The following NUP188 variants were observed in gnomAD, a reference collection of about 807,000 sequenced individuals.
The protein encoded by NUP188 is nucleoporin 188, also known as nucleoporin NUP188.
Under a neutral mutation model 223.0 loss-of-function variants are expected in NUP188, and 97 were observed. The observed-to-expected ratio is 0.43, with a 90% CI of 0.37 to 0.51. The LOEUF (loss-of-function observed/expected upper bound fraction) is 0.51. Among genes scored for constraint, NUP188 ranks in the 20% least tolerant of loss-of-function variants. NUP188 has a pLI of 0.00. For missense variants in NUP188, 1,947 were observed against 2,175.6 expected, an observed-to-expected ratio of 0.89 and a Z score of 2.09; for synonymous variants, 869 against 828.0, an observed-to-expected ratio of 1.05 and a Z score of -0.85.
rs1842822208 is a variant in NUP188, at chr9:129,006,857, G to A, written c.*179G>A. On this transcript the variant is annotated 3_prime_UTR_variant, in exon 44 of 44. Transcript: ENST00000372577. ...CGTTATTTTTATACTAGATGAAGAGGTCAACAGCAGGCATGGGGAGCCGAG... is the reference window on the plus strand; with the variant it reads ...CGTTATTTTTATACTAGATGAAGAGATCAACAGCAGGCATGGGGAGCCGAG... 2.1e-5 allele frequency: 12 copies of A among 573,832 alleles called. No individual in the cohort carries two copies. Among genetic ancestry groups the A allele is most frequent in the Middle Eastern group, 4.7e-4 (1 of 2,124 alleles). 35.5% of individuals were successfully genotyped at this position (573,832 alleles called of 1,614,324 possible).
chr9:128,949,177 C>G lies in NUP188; in HGVS notation c.33-12C>G, dbSNP rs368690694. On this transcript the variant is annotated splice_polypyrimidine_tract_variant and intron_variant, in intron 1 of 43. Coordinates refer to ENST00000372577, the MANE Select transcript of NUP188 (RefSeq NM_015354.3). Reference sequence around the variant, plus strand: ...GAAAGAGCAAAATTACCTCTGTTCTCTCATTTTGCAGGAGCAGTAGAGAAC... The same window carrying G: ...GAAAGAGCAAAATTACCTCTGTTCTGTCATTTTGCAGGAGCAGTAGAGAAC... The G allele has an allele frequency of 5.6e-6, 9 of 1,607,386 alleles. No homozygotes were observed. The highest frequency in any genetic ancestry group is 1.7e-5 in the Admixed American group (1 of 59,756).
At chr9:128,987,558 C>T (rs1259556836) in intron 22 of NUP188, 31 bp from the exon 23 acceptor site, 8 of 1,597,320 alleles carry the variant, frequency 5.0e-6, no homozygotes, top group Non-Finnish European at 6.0e-6. Context: ...TGAGTGGCTC[C>T]CTGGTAACTC....
At chr9:128,952,398 CAAAA>C (rs939252129) in intron 2 of NUP188, among the ~76,000 whole-genome samples, 4 of 60,672 alleles carry the variant, frequency 6.6e-5, no homozygotes, top group Non-Finnish European at 1.1e-4. Flanking sequence ...GACTCCGTCT[CAAAA>C]AAAAAAAAAA....
In NUP188 at chr9:128,994,397, C is replaced by G; in HGVS notation, c.3042C>G (p.Thr1014=). Residue 1014 remains threonine, a synonymous_variant, in exon 28 of 44, where the codon ACC becomes ACG. Transcript: ENST00000372577. ...GACCCAAGTTTTGGGAAAATTTAAC[C>G]AGTCCGCTGTTTGGAACCCTTTCTC... ...RTKPKFWENL[T]SPLFGTLSPP... 6.2e-7 allele frequency: 1 copy of G among 1,613,472 alleles called. No homozygotes were observed. Among genetic ancestry groups the G allele is most frequent in the Non-Finnish European group, 8.5e-7 (1 of 1,179,460 alleles).
At chr9:128,995,627 AGAGC>A in intron 30 of NUP188, 113 bp downstream of exon 30, 1 of 926,578 alleles carries the variant, frequency 1.1e-6, no homozygotes, top group African/African-American at 1.7e-5. Flanking sequence ...TTTATCCCTG[AGAGC>A]TAAACTGTAA....
At chr9:129,001,483 C>G (rs1205016236) in intron 34 of NUP188, 46 bp from the exon 35 acceptor site, 2 of 1,584,726 alleles carry the variant, frequency 1.3e-6, no homozygotes, top group Non-Finnish European at 1.7e-6. Context: ...TCCTCTTCCT[C>G]CTCCTCTTCT....
At chr9:128,995,641 A>G in intron 30 of NUP188, 127 bp downstream of exon 30, 1 of 798,052 alleles carries the variant, frequency 1.3e-6, no homozygotes, top group South Asian at 1.8e-5. Context: ...CTAAACTGTA[A>G]TAGGTTCTAT....
intron 8 of NUP188, among the ~76,000 whole-genome samples, chr9:128,960,776 CCT>C (rs1425077831): frequency 6.6e-6 from 1 of 151,922 alleles, no homozygotes; most frequent in African/African-American, 2.4e-5. Context: ...ATGGTAAAAC[CCT>C]GTTTCTACTA....
At chr9:128,947,778 G>A (rs779466540) in intron 1 of NUP188, 27 bp downstream of exon 1, 14 of 1,402,216 alleles carry the variant, frequency 1.0e-5, no homozygotes, top group South Asian at 7.8e-5. Context: ...ATGGACCGGG[G>A]TGGCTGTGAA....
Position 128,968,627 on chromosome 9 carries a change from C to G in NUP188, c.707C>G (p.Thr236Ser). Residue 236 changes from threonine (T) to serine (S), a missense_variant, in exon 9 of 44, where the codon ACC becomes AGC. Transcript: ENST00000372577. Reference protein sequence around the residue: ...EMAPSDLLVLTKMFKEQGFGS... With the variant: ...EMAPSDLLVLSKMFKEQGFGS... ...GCACCCAGTGACTTACTTGTATTAA[C>G]CAAGATGTTTAAAGAGCAAGGATTT... is the stretch of plus-strand genomic sequence containing the variant. The G allele has an allele frequency of 6.2e-7, 1 of 1,613,962 alleles. No individual in the cohort carries two copies. The highest frequency in any genetic ancestry group is 8.5e-7 in the Non-Finnish European group (1 of 1,179,874).
At chr9:128,973,085 T>C (rs1040892498) in intron 11 of NUP188, 75 bp from the exon 12 acceptor site, 3 of 801,630 alleles carry the variant, frequency 3.7e-6, no homozygotes, top group Admixed American at 2.5e-5. Context: ...AATATATGAA[T>C]GCGATAGGAT....
At chr9:128,957,663 ACCGTGTTAG>A (rs934348400) in intron 5 of NUP188, among the ~76,000 whole-genome samples, 6 of 151,884 alleles carry the variant, frequency 4.0e-5, no homozygotes, top group African/African-American at 1.5e-4. Context: ...ACAGGATTTC[ACCGTGTTAG>A]CCAGGATGGT....
chr9:128,981,269 T>C lies in NUP188; in HGVS notation c.1395T>C (p.Tyr465=). 1.2e-6 allele frequency: 2 copies of C among 1,613,772 alleles called. No individual in the cohort carries two copies. The highest frequency in any genetic ancestry group is 1.7e-6 in the Non-Finnish European group (2 of 1,179,812). ...VSGKSTAKKV[Y]SFLDKMSFYN... Reference sequence around the variant, plus strand: ...GGTTTTTTCTGTTTTGGCAGGTGTATAGCTTCTTGGATAAGATGTCTTTCT... The same window carrying C: ...GGTTTTTTCTGTTTTGGCAGGTGTACAGCTTCTTGGATAAGATGTCTTTCT... The change falls in exon 15 of 44, where the codon TAT becomes TAC. Residue 465 remains tyrosine, a synonymous_variant. Coordinates refer to ENST00000372577, the MANE Select transcript of NUP188 (RefSeq NM_015354.3).
At chr9:128,962,312 G>C (rs1427890313) in intron 8 of NUP188, among the ~76,000 whole-genome samples, 1 of 147,312 alleles carries the variant, frequency 6.8e-6, no homozygotes, top group Non-Finnish European at 1.5e-5. Flanking sequence ...GCAGTGGCAC[G>C]ATCTCGGCTC....
chr9:129,002,792 A>G (rs1487846821), intron 36 of NUP188, 25 bp from the exon 37 acceptor site: 10 of 1,610,006 alleles, frequency 6.2e-6, no homozygotes, highest in Non-Finnish European at 8.5e-6. Flanking sequence ...AGGGTTCCTG[A>G]GCTTGTCTGC....
intron 25 of NUP188, among the ~76,000 whole-genome samples, chr9:128,991,971 G>A (rs1218720909): frequency 2.1e-5 from 3 of 143,024 alleles, no homozygotes; most frequent in Non-Finnish European, 4.5e-5. Context: ...GCAGTGGCGC[G>A]ATCTCGGCTC....
chr9:129,004,498 CTTATT>C (rs1010684892), intron 38 of NUP188: 8 of 152,186 alleles, frequency 5.3e-5, no homozygotes, highest in Admixed American at 3.9e-4. Flanking sequence ...TAATCCTCAT[CTTATT>C]TTATTTATTT....
intron 43 of NUP188, 52 bp downstream of exon 43, chr9:129,006,420 T>G (rs1564570629): frequency 6.2e-7 from 1 of 1,613,442 alleles, no homozygotes; most frequent in Non-Finnish European, 8.5e-7. Flanking sequence ...CAGAGCCCTG[T>G]GGGGTCCTGC....
intron 30 of NUP188, among the ~76,000 whole-genome samples, chr9:128,996,149 A>ATTTTTTTTTTTTTTTTTTTTT (rs879374754): frequency 4.2e-5 from 6 of 142,926 alleles, no homozygotes; most frequent in African/African-American, 1.5e-4. Flanking sequence ...ATCCAGATTA[A>ATTTTTTTTTTTTTTTTTTTTT]TTTTTTTTTT....
Sources: gnomAD v4.1 joint callset for allele counts (sites outside exome capture counted in the v4.1 genomes callset) on GRCh38, gnomAD v4.1.1 for gene constraint, MANE v1.5 for transcripts, NCBI Gene and HGNC (gene_info 2026-07-23, HGNC 2026-07-21) for gene names.